The following ABLIM1 variants were observed in gnomAD, a reference collection of about 807,000 sequenced individuals.
ABLIM1 encodes actin-binding LIM protein 1.
A neutral mutation model predicts 107.0 loss-of-function variants in ABLIM1; 40 were observed. The observed-to-expected ratio is 0.37, with a 90% CI of 0.29 to 0.49. ABLIM1 has a LOEUF of 0.49. Among genes scored for constraint, ABLIM1 ranks in the 20% least tolerant of loss-of-function variants. ABLIM1 has a pLI of 0.97. For synonymous variants in ABLIM1, 357 were observed against 357.3 expected, an observed-to-expected ratio of 1.00 and a Z score of 0.01; for missense variants, 857 against 1,008.5, an observed-to-expected ratio of 0.85 and a Z score of 2.04.
intron 1 of ABLIM1, among the ~76,000 whole-genome samples, chr10:114,611,761 GA>G (rs1462924085): frequency 3.3e-5 from 5 of 152,162 alleles, no homozygotes. Context: ...GTTAAGCTCA[GA>G]AAGGGATTTT....
intron 11 of ABLIM1, among the ~76,000 whole-genome samples, chr10:114,467,693 G>A (rs1200725432): frequency 2.6e-5 from 4 of 152,148 alleles, no homozygotes; most frequent in Admixed American, 2.6e-4. Flanking sequence ...GAATTACAGA[G>A]ATTCCCTAAA....
Position 114,473,022 on chromosome 10 carries a change from G to A in ABLIM1, c.1230C>T (p.Tyr410=). The A allele has an allele frequency of 5.6e-6, 9 of 1,611,962 alleles. No individual in the cohort carries two copies. The highest frequency in any genetic ancestry group is 1.3e-5 in the African/African-American group (1 of 74,994). Residue 410 remains tyrosine, a synonymous_variant, in exon 10 of 23, where the codon TAC becomes TAT. Transcript: ENST00000533213. ...RPDLITYEPF[Y]TSGYDDKQER... is the part of the protein sequence containing the mutation. The stretch of plus-strand genomic sequence containing the variant: ...CCTGTTTGTCATCATAGCCCGAAGT[G>A]TAGAAAGGCTCATAGGTAATAAGAT...
At chr10:114,639,943 T>TTA (rs1416655369) in intron 1 of ABLIM1, among the ~76,000 whole-genome samples, 1 of 152,182 alleles carries the variant, frequency 6.6e-6, no homozygotes, top group Non-Finnish European at 1.5e-5. Context: ...ACAAGGTGTG[T>TTA]TATATCCATA....
chr10:114,472,081 G>A (rs1458246927), intron 10 of ABLIM1, among the ~76,000 whole-genome samples: 1 of 152,064 alleles, frequency 6.6e-6, no homozygotes, highest in East Asian at 1.9e-4. Context: ...CGAGCCCCAA[G>A]AGGACAGGTA....
intron 1 of ABLIM1, among the ~76,000 whole-genome samples, chr10:114,726,356 T>C (rs956601252): frequency 6.6e-5 from 10 of 152,008 alleles, no homozygotes; most frequent in Non-Finnish European, 1.5e-4. Context: ...TGGCCCACGG[T>C]TCTACAGGCT....
intron 6 of ABLIM1, among the ~76,000 whole-genome samples, chr10:114,495,669 T>C (rs943084190): frequency 2.6e-5 from 4 of 152,200 alleles, no homozygotes; most frequent in Non-Finnish European, 4.4e-5. Flanking sequence ...CTGGTGATGA[T>C]ACTGTGATTA....
intron 1 of ABLIM1, among the ~76,000 whole-genome samples, chr10:114,638,390 C>T (rs1473133634): frequency 6.6e-6 from 1 of 152,188 alleles, no homozygotes; most frequent in Non-Finnish European, 1.5e-5. Flanking sequence ...ATAACCTACC[C>T]TCACAGCTAC....
chr10:114,620,062 C>T (rs1238900623), intron 1 of ABLIM1, among the ~76,000 whole-genome samples: 1 of 152,124 alleles, frequency 6.6e-6, no homozygotes, highest in Non-Finnish European at 1.5e-5. Context: ...ACAGAAGTAC[C>T]TTATTCTGTT....
At chr10:114,466,086 T>C (rs1407899138) in intron 11 of ABLIM1, among the ~76,000 whole-genome samples, 2 of 152,216 alleles carry the variant, frequency 1.3e-5, no homozygotes, top group African/African-American at 4.8e-5. Flanking sequence ...ACACCTGTGA[T>C]CTCAGCACTT....
chr10:114,667,967 A>G (rs2080094651), intron 1 of ABLIM1, among the ~76,000 whole-genome samples: 1 of 152,140 alleles, frequency 6.6e-6, no homozygotes, highest in Non-Finnish European at 1.5e-5. Context: ...AACAAATGCA[A>G]TGTCTACCTT....
At chr10:114,599,542 C>A (rs1307256953) in intron 2 of ABLIM1, among the ~76,000 whole-genome samples, 1 of 152,036 alleles carries the variant, frequency 6.6e-6, no homozygotes, top group Non-Finnish European at 1.5e-5. Flanking sequence ...GAGGCTGAGG[C>A]AGGAGAATCC....
intron 6 of ABLIM1, chr10:114,526,904 G>A (rs2064865344): frequency 1.0e-6 from 1 of 985,462 alleles, no homozygotes; most frequent in Non-Finnish European, 1.2e-6. Flanking sequence ...GGGCAGGCAC[G>A]CTCTCTCACG....
intron 14 of ABLIM1, among the ~76,000 whole-genome samples, chr10:114,449,365 C>G (rs1405087455): frequency 1.3e-5 from 2 of 152,198 alleles, no homozygotes; most frequent in South Asian, 2.1e-4. Flanking sequence ...ATCTTCAGCT[C>G]TAAGTCCTCC....
chr10:114,687,529 T>C (rs1383027205), upstream of ABLIM1, among the ~76,000 whole-genome samples: 1 of 152,212 alleles, frequency 6.6e-6, no homozygotes, highest in Non-Finnish European at 1.5e-5. Flanking sequence ...TGACCGATAG[T>C]GATGCTGTCG....
At chr10:114,512,750 A>G (rs1165121593) in intron 6 of ABLIM1, among the ~76,000 whole-genome samples, 1 of 151,920 alleles carries the variant, frequency 6.6e-6, no homozygotes, top group Non-Finnish European at 1.5e-5. Flanking sequence ...GCTTGAACCC[A>G]GGAAGTGGAG....
chr10:114,547,083 G>A (rs955070042), intron 5 of ABLIM1, among the ~76,000 whole-genome samples: 5 of 151,732 alleles, frequency 3.3e-5, no homozygotes, highest in African/African-American at 7.3e-5. Flanking sequence ...GAGCCACCAC[G>A]CCCAGCAGGA....
chr10:114,704,335 T>TATATATATCTCACG (rs3061769), intron 1 of ABLIM1, among the ~76,000 whole-genome samples: 3,184 of 82,722 alleles, frequency 0.038, 364 homozygotes, highest in Non-Finnish European at 0.053. Flanking sequence ...TATATATATA[T>TATATATATCTCACG]TGCGCGCGTT....
At chr10:114,716,568 G>A (rs1241737129) in intron 1 of ABLIM1, among the ~76,000 whole-genome samples, 1 of 152,188 alleles carries the variant, frequency 6.6e-6, no homozygotes, top group Non-Finnish European at 1.5e-5. Flanking sequence ...CTTAAGGGTA[G>A]TAAGTTTTCT....
At chr10:114,799,233 G>A in the ABLIM1 span, among the ~76,000 whole-genome samples, 1 of 152,174 alleles carries the variant, frequency 6.6e-6, no homozygotes, top group Non-Finnish European at 1.5e-5. Context: ...TCCAAATCTT[G>A]GAGTACCTCT....
Sources: gnomAD v4.1 joint callset for allele counts (sites outside exome capture counted in the v4.1 genomes callset) on GRCh38, gnomAD v4.1.1 for gene constraint, MANE v1.5 for transcripts, NCBI Gene and HGNC (gene_info 2026-07-23, HGNC 2026-07-21) for gene names.